ATP2C2: variants seen among roughly 807,000 people sequenced by gnomAD.
ATP2C2 encodes the protein ATPase secretory pathway Ca2+ transporting 2, also known as calcium-transporting ATPase type 2C member 2.
A neutral mutation model predicts 110.8 loss-of-function variants in ATP2C2; 171 were observed. The observed-to-expected ratio is 1.54, with a 90% CI of 1.36 to 1.75. The LOEUF (loss-of-function observed/expected upper bound fraction) is 1.75. Among genes scored for constraint, ATP2C2 ranks in the 40% most tolerant of loss-of-function variants. The probability of loss-of-function intolerance (pLI) is 0.00; values close to 1 mark genes in which losing one functional copy is unlikely to be tolerated. For synonymous variants in ATP2C2, 804 were observed against 508.4 expected (o/e 1.58, Z -7.82); for missense variants, 1,963 against 1,235.0 (o/e 1.59, Z -8.84).
chr16:84,443,509 G>A (rs1040949028), intron 15 of ATP2C2, among the ~76,000 whole-genome samples: 9 of 152,164 alleles, frequency 5.9e-5, no homozygotes, highest in African/African-American at 9.7e-5. Context: ...CGCTGCCGCC[G>A]AGCCTGGCCC....
At chr16:84,428,414 C>T (rs1476916803) in intron 11 of ATP2C2, among the ~76,000 whole-genome samples, 4 of 152,160 alleles carry the variant, frequency 2.6e-5, no homozygotes, top group Admixed American at 6.5e-5. Context: ...AGCTGTGTGT[C>T]CTATGACAAA....
At chr16:84,395,008 T>C (rs532814467) in intron 1 of ATP2C2, among the ~76,000 whole-genome samples, 3 of 152,226 alleles carry the variant, frequency 2.0e-5, no homozygotes, top group Admixed American at 6.5e-5. Context: ...GCTGAGTTGA[T>C]GCTCCACTGT....
At chr16:84,426,660 T>G (rs545236088) in intron 11 of ATP2C2, among the ~76,000 whole-genome samples, 133 of 152,282 alleles carry the variant, frequency 8.7e-4, no homozygotes, top group African/African-American at 3.1e-3. Flanking sequence ...AAGGAGTTAG[T>G]CTGTGCAAGC....
At chr16:84,375,254 A>G (rs1224680645) in intron 1 of ATP2C2, among the ~76,000 whole-genome samples, 2 of 152,222 alleles carry the variant, frequency 1.3e-5, no homozygotes, top group Admixed American at 6.5e-5. Flanking sequence ...GAAAAACGTC[A>G]AACACGGCCC....
intron 11 of ATP2C2, among the ~76,000 whole-genome samples, chr16:84,432,151 G>T (rs1344952030): frequency 6.6e-6 from 1 of 152,138 alleles, no homozygotes; most frequent in Non-Finnish European, 1.5e-5. Context: ...GGAACAGGTG[G>T]TGTTTCGTTA....
chr16:84,437,704 T>C (rs35121932), intron 11 of ATP2C2, among the ~76,000 whole-genome samples: 31,124 of 152,040 alleles, frequency 0.2, 3,625 homozygotes, highest in South Asian at 0.28. Flanking sequence ...TTAGTAGAGA[T>C]GGGGTTTCAC....
At chr16:84,389,775 C>T (rs1179262940) in intron 1 of ATP2C2, among the ~76,000 whole-genome samples, 5 of 144,500 alleles carry the variant, frequency 3.5e-5, no homozygotes, top group South Asian at 2.2e-4. Context: ...GGCTGGAGTA[C>T]GGTGGCGCTA....
chr16:84,460,982 G>A, intron 24 of ATP2C2, 181 bp downstream of exon 24: 3 of 838,560 alleles, frequency 3.6e-6, no homozygotes, highest in Non-Finnish European at 3.5e-6. Context: ...GGTGACCCTT[G>A]AAAGAAGGGA....
chr16:84,415,476 A>C lies in ATP2C2; in HGVS notation c.516-7A>C. On this transcript the variant is annotated splice_region_variant and splice_polypyrimidine_tract_variant and intron_variant, in intron 6 of 26. Transcript: ENST00000262429. ...GATGCTTTTGCTTTTTACCATGTCA[A>C]ATGCAGCCTAAGAGAAGGAAAACTC... 2 of 1,613,648 alleles carry C rather than the reference A, an allele frequency of 1.2e-6. No homozygotes were observed. Among genetic ancestry groups the C allele is most frequent in the Non-Finnish European group, 1.7e-6 (2 of 1,179,554 alleles).
intron 2 of ATP2C2, among the ~76,000 whole-genome samples, chr16:84,403,272 T>C (rs865971510): frequency 6.6e-6 from 1 of 152,210 alleles, no homozygotes; most frequent in African/African-American, 2.4e-5. Flanking sequence ...ATGTCTGATA[T>C]GTGGTAAATA....
rs149452829 is a variant in ATP2C2 at position 84,436,592 on chromosome 16, A to G, written c.987-2574A>G. 1.5e-3 allele frequency among the ~76,000 whole-genome samples: 231 copies of G among 152,198 alleles called. 1 individual carries two copies. Among genetic ancestry groups the G allele is most frequent in the African/African-American group, 5.4e-3 (223 of 41,508 alleles). On this transcript the variant is annotated intron_variant, in intron 11 of 26. Transcript: ENST00000262429. ...CTAGTCCCCTAAATAGTCTCTTTCT[A>G]GAAATTGTACAGAGTGGATCCATGC...
chr16:84,451,852 CA>C (rs1567738220), intron 17 of ATP2C2, 68 bp from the exon 18 acceptor site: 8 of 1,454,382 alleles, frequency 5.5e-6, no homozygotes, highest in Admixed American at 4.2e-5. Context: ...ACAACAACAA[CA>C]ACCAACAACA....
intron 2 of ATP2C2, among the ~76,000 whole-genome samples, chr16:84,404,269 C>T (rs142847182): frequency 6.6e-6 from 1 of 152,204 alleles, no homozygotes; most frequent in African/African-American, 2.4e-5. Context: ...GTCAGCAAAG[C>T]GGGTTACATT....
At chr16:84,399,360 C>G (rs922903709) in intron 2 of ATP2C2, among the ~76,000 whole-genome samples, 1 of 152,156 alleles carries the variant, frequency 6.6e-6, no homozygotes, top group Non-Finnish European at 1.5e-5. Context: ...CATATTATCC[C>G]TAGCTAGAAA....
intron 2 of ATP2C2, among the ~76,000 whole-genome samples, chr16:84,403,879 C>T (rs965219666): frequency 1.3e-5 from 2 of 152,146 alleles, no homozygotes; most frequent in South Asian, 2.1e-4. Context: ...TTAGTAGAGA[C>T]GGGCTTTTGC....
Position 84,452,064 on chromosome 16 carries a change from G to C in ATP2C2, c.1804G>C (p.Asp602His). The C allele has an allele frequency of 1.2e-6, 2 of 1,614,006 alleles. No individual in the cohort carries two copies. The highest frequency in any genetic ancestry group is 1.3e-5 in the African/African-American group (1 of 74,986). ...TGTGTCTGTGAAGATGATAACGGGG[G>C]ATGCCCTGGAGACGGCCTTGGCCAT... is the stretch of plus-strand genomic sequence containing the variant. Reference protein sequence around the residue: ...SGVSVKMITGDALETALAIGR... With the variant: ...SGVSVKMITGHALETALAIGR... The change falls in exon 18 of 27, where the codon GAT becomes CAT. Residue 602 changes from aspartate to histidine, a missense_variant. By Grantham distance (81) the Asp-to-His change is moderately conservative. Coordinates refer to ENST00000262429, the MANE Select transcript of ATP2C2 (RefSeq NM_014861.4).
chr16:84,402,015 T>C (rs550720519), intron 2 of ATP2C2, among the ~76,000 whole-genome samples: 4 of 152,332 alleles, frequency 2.6e-5, no homozygotes, highest in East Asian at 1.9e-4. Context: ...TGCATCAATG[T>C]TTTATAGTTT....
At chr16:84,407,801 C>A (rs1442419853) in intron 3 of ATP2C2, among the ~76,000 whole-genome samples, 1 of 152,196 alleles carries the variant, frequency 6.6e-6, no homozygotes, top group African/African-American at 2.4e-5. Flanking sequence ...CTTCCTTATC[C>A]TGATCTTTGG....
chr16:84,459,821 A>G, intron 23 of ATP2C2: 1 of 461,474 alleles, frequency 2.2e-6, no homozygotes, highest in African/African-American at 2.0e-5. Context: ...CCTTTAGAAC[A>G]TCAGTTTCAT....
Sources: gnomAD v4.1 joint callset for allele counts (sites outside exome capture counted in the v4.1 genomes callset) on GRCh38, gnomAD v4.1.1 for gene constraint, MANE v1.5 for transcripts, NCBI Gene and HGNC (gene_info 2026-07-23, HGNC 2026-07-21) for gene names.